HDAC9: variants seen among roughly 807,000 people sequenced by gnomAD.
The protein encoded by HDAC9 is MEF-2 interacting transcription repressor (MITR) protein.
HDAC9 carries 41 observed loss-of-function variants against 139.4 expected under a neutral mutation model. That is an observed-to-expected ratio of 0.29 (90% CI 0.23 to 0.38). HDAC9 has a LOEUF of 0.38. Among genes scored for constraint, HDAC9 ranks in the 10% least tolerant of loss-of-function variants. HDAC9 has a pLI of 1.00. For missense variants in HDAC9, 1,147 were observed against 1,297.0 expected (o/e 0.88, Z 1.78); for synonymous variants, 517 against 476.2 (o/e 1.09, Z -1.12).
At chr7:18,499,951 T>C (rs1337380391) in intron 2 of HDAC9, among the ~76,000 whole-genome samples, 1 of 152,150 alleles carries the variant, frequency 6.6e-6, no homozygotes, top group Non-Finnish European at 1.5e-5. Context: ...AATGTAAGTC[T>C]GTGAAATGTT....
At chr7:18,172,189 A>G (rs1788504822) in intron 2 of HDAC9, among the ~76,000 whole-genome samples, 1 of 152,206 alleles carries the variant, frequency 6.6e-6, no homozygotes, top group African/African-American at 2.4e-5. Context: ...GTATGTGTCT[A>G]GGAATTTATC....
At chr7:18,940,241 C>T (rs1781932416) in intron 23 of HDAC9, among the ~76,000 whole-genome samples, 1 of 152,152 alleles carries the variant, frequency 6.6e-6, no homozygotes, top group African/African-American at 2.4e-5. Context: ...GCACCCAAAA[C>T]ATGCATTTTC....
chr7:18,329,285 T>G (rs565352372), intron 1 of HDAC9, among the ~76,000 whole-genome samples: 1 of 151,878 alleles, frequency 6.6e-6, no homozygotes, highest in African/African-American at 2.4e-5. Context: ...ATTTTATATT[T>G]CAAAATTATT....
intron 1 of HDAC9, among the ~76,000 whole-genome samples, chr7:18,383,235 C>T (rs762993097): frequency 2.0e-5 from 3 of 152,058 alleles, no homozygotes; most frequent in Non-Finnish European, 2.9e-5. Flanking sequence ...CTAGAAAACC[C>T]AGAAATCGAT....
At chr7:18,768,468 C>T (rs114407570) in intron 16 of HDAC9, among the ~76,000 whole-genome samples, 2,326 of 152,280 alleles carry the variant, frequency 0.015, 48 homozygotes, top group African/African-American at 0.053. Flanking sequence ...CAGCATGGGA[C>T]AGTCATCAAT....
At chr7:18,165,887 G>C (rs1273801723) in intron 2 of HDAC9, among the ~76,000 whole-genome samples, 1 of 151,966 alleles carries the variant, frequency 6.6e-6, no homozygotes, top group Admixed American at 6.6e-5. Flanking sequence ...GTGGCTTTGC[G>C]TCTATCTAGG....
At chr7:18,728,307 C>T (rs1259396723) in intron 13 of HDAC9, among the ~76,000 whole-genome samples, 1 of 152,020 alleles carries the variant, frequency 6.6e-6, no homozygotes. Flanking sequence ...CGACCAACCT[C>T]TTCCTTTGTC....
intron 17 of HDAC9, among the ~76,000 whole-genome samples, chr7:18,817,436 A>G (rs552696788): frequency 2.0e-4 from 30 of 152,330 alleles, no homozygotes; most frequent in South Asian, 4.1e-4. Context: ...TTCAACCAAT[A>G]ACACAAATGC....
intron 16 of HDAC9, among the ~76,000 whole-genome samples, chr7:18,786,611 T>TCCCTCCCTCCC (rs1562940698): frequency 5.7e-5 from 2 of 35,254 alleles, no homozygotes; most frequent in African/African-American, 9.6e-5. Flanking sequence ...CCTTCCTTCC[T>TCCCTCCCTCCC]TCCTTCCCTC....
intron 22 of HDAC9, among the ~76,000 whole-genome samples, chr7:18,908,950 A>G (rs1365603434): frequency 1.3e-5 from 2 of 152,000 alleles, no homozygotes; most frequent in African/African-American, 4.8e-5. Flanking sequence ...GCATACAGTC[A>G]TTCTATTTTT....
chr7:18,627,175 C>G (rs1042787876), intron 6 of HDAC9, among the ~76,000 whole-genome samples: 2 of 152,128 alleles, frequency 1.3e-5, no homozygotes, highest in African/African-American at 4.8e-5. Context: ...GAAAGTTGTC[C>G]CATGCAGACT....
At chr7:18,229,575 G>T (rs775611006) in intron 2 of HDAC9, among the ~76,000 whole-genome samples, 1 of 152,154 alleles carries the variant, frequency 6.6e-6, no homozygotes, top group Non-Finnish European at 1.5e-5. Flanking sequence ...TACTTGGTGA[G>T]TTATGGATGG....
chr7:18,424,958 AG>A (rs568632590), intron 1 of HDAC9, among the ~76,000 whole-genome samples: 148 of 152,282 alleles, frequency 9.7e-4, no homozygotes, highest in African/African-American at 3.5e-3. Flanking sequence ...ATGATTTCCT[AG>A]TTCAGAATAT....
rs183224902 is a variant in HDAC9, at chr7:18,721,482, T to C, written c.1732-6098T>C. On this transcript the variant is annotated intron_variant, in intron 12 of 25. Transcript: ENST00000686413. ...CTATTTGTACTAAATGTTCGTGAAT[T>C]CTTCTTTAAAGTGTTAAAACAATTT... Among the ~76,000 whole-genome samples, 245 of 152,326 alleles carry C rather than the reference T, an allele frequency of 1.6e-3. 1 individual carries two copies. The highest frequency in any genetic ancestry group is 5.8e-3 in the African/African-American group (242 of 41,574).
At chr7:18,733,877 T>C (rs556574900) in intron 13 of HDAC9, among the ~76,000 whole-genome samples, 10 of 152,280 alleles carry the variant, frequency 6.6e-5, no homozygotes, top group African/African-American at 1.2e-4. Flanking sequence ...CAACCTGATA[T>C]GCGTTTCTTT....
At chr7:18,584,023 G>A (rs1054825006) in intron 2 of HDAC9, among the ~76,000 whole-genome samples, 1 of 151,962 alleles carries the variant, frequency 6.6e-6, no homozygotes, top group Non-Finnish European at 1.5e-5. Context: ...AACCAGTTTG[G>A]CATGGATGCT....
At chr7:18,938,677 A>C (rs1486624906) in intron 23 of HDAC9, among the ~76,000 whole-genome samples, 1 of 152,258 alleles carries the variant, frequency 6.6e-6, no homozygotes, top group African/African-American at 2.4e-5. Context: ...AATGACTTCC[A>C]AAAAGATAGA....
intron 13 of HDAC9, among the ~76,000 whole-genome samples, chr7:18,747,070 A>T (rs2129145814): frequency 6.6e-6 from 1 of 152,304 alleles, no homozygotes; most frequent in South Asian, 2.1e-4. Flanking sequence ...AGCATGTATA[A>T]ATGTCACAAG....
intron 6 of HDAC9, among the ~76,000 whole-genome samples, chr7:18,623,121 G>T (rs1015442254): frequency 6.7e-6 from 1 of 149,344 alleles, no homozygotes; most frequent in Non-Finnish European, 1.5e-5. Flanking sequence ...TCCAGCCTGG[G>T]TGACAGAGTG....
Sources: gnomAD v4.1 joint callset for allele counts (sites outside exome capture counted in the v4.1 genomes callset) on GRCh38, gnomAD v4.1.1 for gene constraint, MANE v1.5 for transcripts, NCBI Gene and HGNC (gene_info 2026-07-23, HGNC 2026-07-21) for gene names.